FAM120A: variants seen among roughly 807,000 people sequenced by gnomAD.
FAM120A encodes the protein family with sequence similarity 120 member A.
In FAM120A, 15 loss-of-function variants were observed where a neutral mutation model predicts 109.7. The observed-to-expected ratio is 0.14, with a 90% CI of 0.09 to 0.21. The LOEUF (loss-of-function observed/expected upper bound fraction) is 0.21, where lower values mean the gene tolerates loss of function less well. FAM120A is among the 10% of genes least tolerant of loss of function. The pLI, the probability that FAM120A is intolerant of heterozygous loss-of-function variation, is 1.00. For synonymous variants in FAM120A, 493 were observed against 572.8 expected, an observed-to-expected ratio of 0.86 and a Z score of 1.99; for missense variants, 899 against 1,439.3, an observed-to-expected ratio of 0.62 and a Z score of 6.07.
chr9:93,557,645 A>G (rs1001733456), intron 13 of FAM120A, among the ~76,000 whole-genome samples, 182 bp from the exon 14 acceptor site: 10 of 152,246 alleles, frequency 6.6e-5, no homozygotes, highest in African/African-American at 1.9e-4. Flanking sequence ...GAAAACTGCC[A>G]TAAGTATTGA....
At chr9:93,541,829 C>T (rs569317450) in intron 10 of FAM120A, among the ~76,000 whole-genome samples, 2 of 152,274 alleles carry the variant, frequency 1.3e-5, no homozygotes, top group East Asian at 1.9e-4. Flanking sequence ...TGTTCCTATA[C>T]GTGACACTGT....
intron 2 of FAM120A, among the ~76,000 whole-genome samples, chr9:93,475,381 C>T (rs1003517003): frequency 3.3e-5 from 5 of 152,088 alleles, no homozygotes; most frequent in African/African-American, 4.8e-5. Flanking sequence ...GGATGCTCAA[C>T]CTATATTATA....
chr9:93,556,365 C>T lies in FAM120A; in HGVS notation c.2275-17C>T. ...TAGTACTCTTATTCCATAGAAATTA[C>T]TCTTTTCAATTTAAAGATTGAGAAC... On this transcript the variant is annotated splice_polypyrimidine_tract_variant and intron_variant, in intron 12 of 17. Transcript: ENST00000277165. The T allele has an allele frequency of 6.2e-7, 1 of 1,600,350 alleles. No homozygotes were observed. The highest frequency in any genetic ancestry group is 8.6e-7 in the Non-Finnish European group (1 of 1,167,672).
chr9:93,459,680 A>T lies in FAM120A; in HGVS notation c.474+7291A>T, dbSNP rs564257452. On this transcript the variant is annotated intron_variant, in intron 1 of 17. Coordinates refer to ENST00000277165, the MANE Select transcript of FAM120A (RefSeq NM_014612.5). Reference sequence around the variant, plus strand: ...GAAGACCTGTGAGTGGCTCTCAAGTAGGGTTGACAGTTGAGACATTTGGCA... The same window carrying T: ...GAAGACCTGTGAGTGGCTCTCAAGTTGGGTTGACAGTTGAGACATTTGGCA... 7.0e-4 allele frequency among the ~76,000 whole-genome samples: 107 copies of T among 152,192 alleles called. 1 individual carries two copies. The highest frequency in any genetic ancestry group is 1.3e-3 in the Non-Finnish European group (87 of 68,034).
chr9:93,564,157 C>T, intron 17 of FAM120A, 72 bp from the exon 18 acceptor site: 1 of 1,488,158 alleles, frequency 6.7e-7, no homozygotes, highest in Non-Finnish European at 9.2e-7. Context: ...TGTCATTAGG[C>T]CAAAATTGGC....
At position 93,492,148 on chromosome 9, in the gene FAM120A, G is replaced by T. The variant is rs534622740; in HGVS notation, c.805-5323G>T. 4.2e-4 allele frequency among the ~76,000 whole-genome samples: 64 copies of T among 151,850 alleles called. No individual in the cohort carries two copies. The South Asian group carries it at 0.013, about 31-fold the overall frequency. ...AGTATATTGATAACTACCTTTGTGT[G>T]TGGTGTTTATACAGGTTGTGTGTGT... On this transcript the variant is annotated intron_variant, in intron 3 of 17. Transcript: ENST00000277165.
intron 5 of FAM120A, among the ~76,000 whole-genome samples, chr9:93,513,462 T>C (rs1860426503): frequency 6.6e-6 from 1 of 152,208 alleles, no homozygotes. Context: ...AGGAATGTGT[T>C]GTGTGCACGT....
intron 3 of FAM120A, among the ~76,000 whole-genome samples, chr9:93,482,893 C>T (rs1463679425): frequency 6.6e-6 from 1 of 152,194 alleles, no homozygotes; most frequent in Non-Finnish European, 1.5e-5. Context: ...TGTCTCTGGA[C>T]TAGGGCTAGA....
At chr9:93,509,992 T>C (rs191798051) in intron 5 of FAM120A, among the ~76,000 whole-genome samples, 5 of 152,370 alleles carry the variant, frequency 3.3e-5, no homozygotes, top group African/African-American at 7.2e-5. Context: ...CTAGTTCATC[T>C]TGATGAGTTT....
chr9:93,513,523 A>G (rs1860433326), intron 5 of FAM120A, among the ~76,000 whole-genome samples: 1 of 152,236 alleles, frequency 6.6e-6, no homozygotes, highest in Non-Finnish European at 1.5e-5. Flanking sequence ...GACTACACAC[A>G]TGCCAGTCTC....
intron 11 of FAM120A, among the ~76,000 whole-genome samples, chr9:93,547,404 C>T (rs1435386000): frequency 6.6e-6 from 1 of 152,222 alleles, no homozygotes; most frequent in Admixed American, 6.5e-5. Context: ...GCCTGGGTGA[C>T]ACAGCAGGTG....
At chr9:93,548,127 A>C (rs1030995351) in intron 11 of FAM120A, among the ~76,000 whole-genome samples, 1 of 151,992 alleles carries the variant, frequency 6.6e-6, no homozygotes, top group African/African-American at 2.4e-5. Context: ...TTTTTTTGAG[A>C]TGGAGTCTTG....
Position 93,558,675 on chromosome 9 carries a change from C to T in FAM120A, c.2763C>T (p.Ala921=). The T allele has an allele frequency of 1.2e-6, 2 of 1,614,160 alleles. No individual in the cohort carries two copies. Among genetic ancestry groups the T allele is most frequent in the South Asian group, 2.2e-5 (2 of 91,088 alleles). The part of the protein sequence containing the change: ...RVAAASGHCG[A]FSGSDSSRTS... Reference sequence around the variant, plus strand: ...CGGCAGCATCGGGACACTGCGGAGCCTTCTCAGGCAGTGACAGCAGCAGGA... The same window carrying T: ...CGGCAGCATCGGGACACTGCGGAGCTTTCTCAGGCAGTGACAGCAGCAGGA... The change falls in exon 15 of 18, where the codon GCC becomes GCT. Residue 921 remains alanine, a synonymous_variant. Coordinates refer to ENST00000277165, the MANE Select transcript of FAM120A (RefSeq NM_014612.5).
At chr9:93,464,750 A>C (rs1554773166) in intron 1 of FAM120A, among the ~76,000 whole-genome samples, 1 of 152,226 alleles carries the variant, frequency 6.6e-6, no homozygotes, top group Non-Finnish European at 1.5e-5. Flanking sequence ...TTCAGCAAGG[A>C]GGCAGCTCAT....
At chr9:93,519,178 A>C (rs545498474) in intron 7 of FAM120A, among the ~76,000 whole-genome samples, 3 of 152,206 alleles carry the variant, frequency 2.0e-5, no homozygotes, top group African/African-American at 7.2e-5. Context: ...TGGTGGAAAC[A>C]GTTGAACTCC....
chr9:93,512,062 G>A (rs949332195), intron 5 of FAM120A, among the ~76,000 whole-genome samples: 2 of 152,238 alleles, frequency 1.3e-5, no homozygotes, highest in Non-Finnish European at 2.9e-5. Flanking sequence ...AAAGTGGTGG[G>A]ATTACAGGCA....
At chr9:93,517,719 G>A (rs1242755172) in intron 7 of FAM120A, among the ~76,000 whole-genome samples, 1 of 152,208 alleles carries the variant, frequency 6.6e-6, no homozygotes, top group Admixed American at 6.5e-5. Flanking sequence ...TGGAAACCAG[G>A]TCAAGGTGCT....
At chr9:93,548,641 A>G (rs1019277536) in intron 11 of FAM120A, among the ~76,000 whole-genome samples, 2 of 152,264 alleles carry the variant, frequency 1.3e-5, no homozygotes, top group African/African-American at 4.8e-5. Flanking sequence ...AATATAAAAC[A>G]TAGATACTTC....
At chr9:93,510,568 T>G (rs552924912) in intron 5 of FAM120A, among the ~76,000 whole-genome samples, 3 of 152,338 alleles carry the variant, frequency 2.0e-5, no homozygotes, top group African/African-American at 7.2e-5. Flanking sequence ...TAATTTATCT[T>G]ATTTCATCAT....
Sources: gnomAD v4.1 joint callset for allele counts (sites outside exome capture counted in the v4.1 genomes callset) on GRCh38, gnomAD v4.1.1 for gene constraint, MANE v1.5 for transcripts, NCBI Gene and HGNC (gene_info 2026-07-23, HGNC 2026-07-21) for gene names.